Variants in MAST4 observed in about 807,000 individuals in gnomAD.
The protein encoded by MAST4 is microtubule associated serine/threonine kinase family member 4.
MAST4 carries 89 observed loss-of-function variants against 162.7 expected under a neutral mutation model. That is an observed-to-expected ratio of 0.55 (90% CI 0.46 to 0.65). The LOEUF is 0.65. Among genes scored for constraint, MAST4 ranks in the 30% least tolerant of loss-of-function variants. The pLI is 0.00. For synonymous variants in MAST4, 1,479 were observed against 1,361.1 expected (o/e 1.09, Z -1.91); for missense variants, 3,153 against 3,374.0 (o/e 0.93, Z 1.62).
intron 1 of MAST4, among the ~76,000 whole-genome samples, chr5:66,646,323 G>A (rs1745833998): frequency 6.6e-6 from 1 of 152,170 alleles, no homozygotes; most frequent in Admixed American, 6.5e-5. Flanking sequence ...CTGATGATAG[G>A]CAGACATCAG....
intron 3 of MAST4, among the ~76,000 whole-genome samples, chr5:66,835,735 A>G (rs537931187): frequency 4.6e-5 from 7 of 152,358 alleles, no homozygotes; most frequent in Non-Finnish European, 1.0e-4. Flanking sequence ...AATAAATTAT[A>G]TGTAACCATA....
rs1228330778 is a variant in MAST4, at chr5:67,110,272, C to T, written c.1458+73C>T. On this transcript the variant is annotated intron_variant, in intron 11 of 28. Transcript: ENST00000403625. ...AGCAGTTACCATCAGAAAGCTCCTT[C>T]ATTTGGTTTCCAGCACCAGAGCTAA... The T allele has an allele frequency of 1.9e-5, 21 of 1,116,154 alleles. No homozygotes were observed. In the Middle Eastern group the frequency reaches 7.9e-4, roughly 42 times the overall value. 69.1% of individuals were successfully genotyped at this position (1,116,154 alleles called of 1,614,324 possible). A position where few individuals can be genotyped will look rare whatever the true frequency, so the allele number is the denominator to read the frequency against.
rs568490808 is a variant in MAST4 at position 67,144,508 on chromosome 5, T to C, written c.2731-161T>C. 3.3e-5 allele frequency among the ~76,000 whole-genome samples: 5 copies of C among 152,186 alleles called. No homozygotes were observed. The East Asian group carries it at 9.7e-4, about 29-fold the overall frequency. ...CACACTCACTCACCCTGACCCTTCC[T>C]CTCTGGATTCTGGTTAACAACACTG... On this transcript the variant is annotated intron_variant, in intron 21 of 28. Transcript: ENST00000403625.
rs748401801 is a variant in MAST4 at position 67,142,151 on chromosome 5, G to A, written c.2531G>A (p.Arg844His). 15 of 1,613,692 alleles carry A rather than the reference G, an allele frequency of 9.3e-6. No individual in the cohort carries two copies. Among genetic ancestry groups the A allele is most frequent in the Admixed American group, 5.0e-5 (3 of 60,000 alleles). ...GAAGTCAAACAGCATCGATTCTTCCGTTCTTTAGACTGGAACAGTTTGCTG... is the reference window on the plus strand; with the variant it reads ...GAAGTCAAACAGCATCGATTCTTCCATTCTTTAGACTGGAACAGTTTGCTG... ...AYEVKQHRFF[R>H]SLDWNSLLRQ... The change falls in exon 20 of 29, where the codon CGT becomes CAT. Residue 844 changes from arginine (R) to histidine (H), a missense_variant. Around this residue, in one of 7 missense-constraint regions of MAST4, gnomAD observed 62 missense variants for 63.1 expected, o/e 0.98. Transcript: ENST00000403625.
At chr5:66,665,307 A>G (rs780588574) in intron 1 of MAST4, among the ~76,000 whole-genome samples, 33 of 152,176 alleles carry the variant, frequency 2.2e-4, no homozygotes, top group Middle Eastern at 3.4e-3. Flanking sequence ...GAGAGTGGGG[A>G]CAGTTGCATG....
intron 5 of MAST4, among the ~76,000 whole-genome samples, chr5:67,088,135 A>C (rs1763455602): frequency 6.6e-6 from 1 of 152,232 alleles, no homozygotes; most frequent in Non-Finnish European, 1.5e-5. Context: ...AAAGGGTTTT[A>C]AGTCAATTCT....
At chr5:66,758,011 C>T (rs990442745) in intron 1 of MAST4, among the ~76,000 whole-genome samples, 2 of 151,314 alleles carry the variant, frequency 1.3e-5, no homozygotes, top group Non-Finnish European at 2.9e-5. Flanking sequence ...CAGCAGCCCT[C>T]GACAAATACC....
chr5:66,905,555 G>T (rs1414544233), intron 4 of MAST4, among the ~76,000 whole-genome samples: 1 of 152,140 alleles, frequency 6.6e-6, no homozygotes, highest in African/African-American at 2.4e-5. Flanking sequence ...GTCAAACTCT[G>T]TAAAATATTT....
rs147247234 is a variant in MAST4, at chr5:67,004,532, T to C, written c.675-49872T>C. On this transcript the variant is annotated intron_variant, in intron 4 of 28. Transcript: ENST00000403625. ...ACTGGGCATGTTCGGATGTGAATGG[T>C]TTTGCTGATAAGCAACAGCCTCCGG... is the stretch of plus-strand genomic sequence containing the variant. The C allele has an allele frequency of 3.2e-3, 514 of 159,160 alleles. 1 individual carries two copies. Among genetic ancestry groups the C allele is most frequent in the Admixed American group, 4.3e-3 (72 of 16,740 alleles). 9.9% of individuals were successfully genotyped at this position (159,160 alleles called of 1,614,324 possible). A position where few individuals can be genotyped will look rare whatever the true frequency, so the allele number is the denominator to read the frequency against.
At chr5:67,067,229 A>G (rs1474785456) in intron 5 of MAST4, among the ~76,000 whole-genome samples, 50 of 152,346 alleles carry the variant, frequency 3.3e-4, no homozygotes. Flanking sequence ...AATGGTGTAC[A>G]TAATAAACAC....
rs1773489665 is a variant in MAST4 at position 67,163,617 on chromosome 5, T to A, written c.4438T>A (p.Ser1480Thr). 3 of 1,603,300 alleles carry A rather than the reference T, an allele frequency of 1.9e-6. No individual in the cohort carries two copies. The highest frequency in any genetic ancestry group is 2.6e-6 in the Non-Finnish European group (3 of 1,175,620). Residue 1480 changes from serine to threonine, a missense_variant, in exon 29 of 29, where the codon TCC (serine) becomes ACC (threonine). Physicochemically the swap from Ser to Thr is moderately conservative, Grantham distance 58. This residue lies in a region of MAST4 where 1,644 missense variants were observed against 1,495.0 expected (regional missense o/e 1.10). Coordinates refer to ENST00000403625, the MANE Select transcript of MAST4 (RefSeq NM_001164664.2). This position sits in a 1 kb window ranked among gnomAD's most constrained non-coding sequence, Gnocchi z 7.0. ...CCAAGAGGAGGTGCAGCGGGAGCAG[T>A]CCCAGCGGGAGGCGCCGCTGCAGAG... ...VTQEEVQREQ[S>T]QREAPLQSLD...
intron 2 of MAST4, among the ~76,000 whole-genome samples, chr5:66,777,858 C>T (rs887835184): frequency 1.3e-5 from 2 of 152,126 alleles, no homozygotes; most frequent in Non-Finnish European, 2.9e-5. Flanking sequence ...AACAGCTGTT[C>T]CACATACCCA....
intron 4 of MAST4, among the ~76,000 whole-genome samples, chr5:66,992,657 C>G (rs1750187923): frequency 6.6e-6 from 1 of 152,132 alleles, no homozygotes; most frequent in Non-Finnish European, 1.5e-5. Context: ...CAGGCAAGAA[C>G]AAGATGTAGG....
chr5:66,697,392 A>G (rs941146566), intron 1 of MAST4, among the ~76,000 whole-genome samples: 2 of 152,256 alleles, frequency 1.3e-5, no homozygotes, highest in African/African-American at 4.8e-5. Flanking sequence ...TGATAACCAT[A>G]TCAGAAAGTT....
intron 4 of MAST4, among the ~76,000 whole-genome samples, chr5:66,987,749 G>A (rs1749675233): frequency 6.6e-6 from 1 of 152,150 alleles, no homozygotes; most frequent in South Asian, 2.1e-4. Context: ...GAGTGACAGT[G>A]CTAGTGCTGT....
intron 4 of MAST4, among the ~76,000 whole-genome samples, chr5:66,925,311 C>T (rs1275129917): frequency 1.3e-5 from 2 of 152,134 alleles, no homozygotes; most frequent in East Asian, 1.9e-4. Flanking sequence ...GGCATTTCCT[C>T]AGTTTCAGTA....
chr5:67,114,252 T>C, intron 12 of MAST4, 33 bp downstream of exon 12: 1 of 1,598,218 alleles, frequency 6.3e-7, no homozygotes, highest in Non-Finnish European at 8.5e-7. Context: ...CCTTTGACTT[T>C]GCTTATGCAC....
chr5:66,632,128 A>G (rs767129228), intron 1 of MAST4, among the ~76,000 whole-genome samples: 13 of 152,166 alleles, frequency 8.5e-5, no homozygotes, highest in Non-Finnish European at 1.3e-4. Context: ...TTAGATTGTA[A>G]TTGCCTAAAA....
At chr5:67,145,813 C>T (rs1474885908) in intron 23 of MAST4, among the ~76,000 whole-genome samples, 5 of 152,150 alleles carry the variant, frequency 3.3e-5, no homozygotes, top group Non-Finnish European at 7.3e-5. Context: ...TCTTGAATCA[C>T]CCTAAGGCAC....
Sources: allele counts gnomAD v4.1 joint callset (sites outside exome capture counted in the v4.1 genomes callset), GRCh38; gene constraint gnomAD v4.1.1; regional missense constraint gnomAD v4.1.1; non-coding constraint Gnocchi (gnomAD v3.1); transcripts MANE v1.5; gene names NCBI Gene and HGNC (gene_info 2026-07-23, HGNC 2026-07-21).